The following TJP1 variants were observed in gnomAD, a reference collection of about 807,000 sequenced individuals.
The protein encoded by TJP1 is tight junction protein ZO-1.
A neutral mutation model predicts 194.2 loss-of-function variants in TJP1; 43 were observed. That is an observed-to-expected ratio of 0.22 (90% CI 0.17 to 0.29). The LOEUF is 0.29. TJP1 is among the 10% of genes least tolerant of loss of function. The pLI, the probability that TJP1 is intolerant of heterozygous loss-of-function variation, is 1.00. For missense variants in TJP1, 1,971 were observed against 2,185.7 expected (o/e 0.90, Z 1.96); for synonymous variants, 801 against 779.0 (o/e 1.03, Z -0.47).
In TJP1 at chr15:29,761,457, A is replaced by T. The variant is rs2293185; in HGVS notation, c.862+144T>A. On this transcript the variant is annotated intron_variant, in intron 7 of 27. Coordinates refer to ENST00000614355, the MANE Select transcript of TJP1 (RefSeq NM_001330239.4). Reference sequence around the variant, plus strand: ...ATATCAATAGTGGTGAGTTGTCTACAGGAAAAAATGTATATAAAACTTATA... The same window carrying T: ...ATATCAATAGTGGTGAGTTGTCTACTGGAAAAAATGTATATAAAACTTATA... 3.3e-3 allele frequency: 4,207 copies of T among 1,285,972 alleles called. 88 individuals carry two copies. In the African/African-American group the frequency reaches 0.045, roughly 14 times the overall value. 79.7% of individuals were successfully genotyped at this position (1,285,972 alleles called of 1,614,324 possible). A position where few individuals can be genotyped will look rare whatever the true frequency, so the allele number is the denominator to read the frequency against.
intron 2 of TJP1, among the ~76,000 whole-genome samples, chr15:29,943,658 A>G (rs951982882): frequency 1.9e-4 from 28 of 144,912 alleles, no homozygotes; most frequent in Admixed American, 2.8e-4. Flanking sequence ...AAAAAAGGCA[A>G]TATTTTCAGG....
In TJP1 at chr15:29,719,818, C is replaced by T. The variant is rs770446510; in HGVS notation, c.2962G>A (p.Asp988Asn). ...TGCGACGACAATGATGGTTCTTGAT[C>T]TCTTAGCATTATGTGAGCTGCCTCA... is the stretch of plus-strand genomic sequence containing the variant. ...STEAAHIMLR[D>N]QEPSLSSHVD... is the part of the protein sequence containing the mutation. Residue 988 changes from aspartate (D) to asparagine (N), a missense_variant, in exon 20 of 28, where the codon GAT (aspartate) becomes AAT (asparagine). Physicochemically the swap from Asp to Asn is conservative, Grantham distance 23 (BLOSUM62 1). Coordinates refer to ENST00000614355, the MANE Select transcript of TJP1 (RefSeq NM_001330239.4). 12 of 1,613,996 alleles carry T rather than the reference C, an allele frequency of 7.4e-6. No homozygotes were observed. In the Middle Eastern group the frequency reaches 8.2e-4, roughly 111 times the overall value.
chr15:29,949,634 A>ACCACCTCCACCACCACCACCT (rs1238786827), intron 2 of TJP1, among the ~76,000 whole-genome samples: 6 of 92,752 alleles, frequency 6.5e-5, no homozygotes, highest in African/African-American at 2.1e-4. Context: ...CTCCACCTCC[A>ACCACCTCCACCACCACCACCT]CCACCTCCAC....
chr15:29,836,065 G>A (rs1414618708), intron 2 of TJP1, among the ~76,000 whole-genome samples: 1 of 151,984 alleles, frequency 6.6e-6, no homozygotes, highest in Non-Finnish European at 1.5e-5. Context: ...CATTTAACTT[G>A]TGGCACTAAA....
At chr15:29,722,164 G>A (rs1040698479) in intron 18 of TJP1, among the ~76,000 whole-genome samples, 14 of 152,202 alleles carry the variant, frequency 9.2e-5, no homozygotes, top group East Asian at 5.8e-4. Flanking sequence ...GTTAAGTAAC[G>A]AGGGACAGAA....
intron 5 of TJP1, among the ~76,000 whole-genome samples, chr15:29,763,698 C>CA (rs1339996894): frequency 1.4e-5 from 2 of 145,832 alleles, no homozygotes; most frequent in Non-Finnish European, 3.0e-5. Flanking sequence ...ACCTGGGAGG[C>CA]AGAGGTTGCA....
intron 2 of TJP1, among the ~76,000 whole-genome samples, chr15:29,844,877 C>G (rs1403253): frequency 6.6e-6 from 1 of 152,088 alleles, no homozygotes; most frequent in African/African-American, 2.4e-5. Context: ...AAGCAGGGTG[C>G]AGATACCAAG....
Position 29,949,508 on chromosome 15 carries a change from ACCT to A in TJP1, c.306+6721_306+6723del, listed in dbSNP as rs1419698672. ...CACCACCTCCACCTCCACAACCACC[ACCT>A]CCACCTCCACCACCACCACCTCCAC... On this transcript the variant is annotated intron_variant, in intron 2 of 28. Coordinates refer to the TJP1 transcript ENST00000356107. 5.2e-3 allele frequency among the ~76,000 whole-genome samples: 631 copies of A among 120,392 alleles called. 16 individuals are homozygous for A. Among genetic ancestry groups the A allele is most frequent in the Non-Finnish European group, 7.5e-3 (435 of 58,288 alleles). 79.0% of individuals were successfully genotyped at this position (120,392 alleles called of 152,430 possible).
chr15:29,906,942 C>G (rs2053835355), intron 2 of TJP1, among the ~76,000 whole-genome samples: 1 of 151,792 alleles, frequency 6.6e-6, no homozygotes, highest in Non-Finnish European at 1.5e-5. Flanking sequence ...CTGGAAAAAG[C>G]AGAATATAAA....
intron 1 of TJP1, among the ~76,000 whole-genome samples, chr15:29,804,988 A>C (rs2049025234): frequency 6.6e-6 from 1 of 152,226 alleles, no homozygotes; most frequent in Non-Finnish European, 1.5e-5. Context: ...GGGTGAAATT[A>C]TCTCAAATGA....
chr15:29,779,965 A>G (rs1249943982), intron 2 of TJP1, among the ~76,000 whole-genome samples: 2 of 150,994 alleles, frequency 1.3e-5, no homozygotes, highest in Non-Finnish European at 3.0e-5. Context: ...AAACAAACAA[A>G]CAAAATCCTC....
chr15:29,947,812 A>C (rs908221243), intron 2 of TJP1, among the ~76,000 whole-genome samples: 1 of 152,130 alleles, frequency 6.6e-6, no homozygotes, highest in African/African-American at 2.4e-5. Flanking sequence ...CCACCTAGAG[A>C]CTGGACGAAT....
intron 2 of TJP1, among the ~76,000 whole-genome samples, chr15:29,912,606 T>A (rs2054050150): frequency 7.0e-6 from 1 of 142,652 alleles, no homozygotes; most frequent in African/African-American, 2.6e-5. Context: ...CTCAGGAGGC[T>A]GAGGCAGAAG....
intron 2 of TJP1, among the ~76,000 whole-genome samples, chr15:29,917,990 C>T (rs1174115037): frequency 6.6e-6 from 1 of 152,184 alleles, no homozygotes; most frequent in Non-Finnish European, 1.5e-5. Flanking sequence ...TAACTCCTCA[C>T]TCCCTCTTTC....
chr15:29,932,061 T>A (rs569001162), intron 2 of TJP1, among the ~76,000 whole-genome samples: 1 of 152,298 alleles, frequency 6.6e-6, no homozygotes, highest in South Asian at 2.1e-4. Context: ...CTGCAACCTG[T>A]TTTATCAGCA....
Position 29,732,678 on chromosome 15 carries a change from G to C in TJP1, c.1874C>G (p.Pro625Arg), listed in dbSNP as rs1487215949. The C allele has an allele frequency of 2.1e-5, 34 of 1,614,008 alleles. No homozygotes were observed. The highest frequency in any genetic ancestry group is 2.9e-5 in the Non-Finnish European group (34 of 1,180,034). The stretch of plus-strand genomic sequence containing the variant: ...ATAAGCTGGAAACTTTGTTTGAACA[G>C]GCTGAGCGGACAAATCCTCTCTGCT... The part of the protein sequence containing the change: ...RKSREDLSAQ[P>R]VQTKFPAYER... Residue 625 changes from proline to arginine, a missense_variant, in exon 14 of 28, where the codon CCT becomes CGT. Pro to Arg is a moderately radical substitution (Grantham distance 103). Coordinates refer to ENST00000614355, the MANE Select transcript of TJP1 (RefSeq NM_001330239.4).
intron 2 of TJP1, among the ~76,000 whole-genome samples, chr15:29,949,609 C>T (rs1361797162): frequency 1.4e-3 from 104 of 71,990 alleles, no homozygotes; most frequent in African/African-American, 2.9e-3. Context: ...CCACCTCCAC[C>T]TTCACCACCA....
intron 2 of TJP1, among the ~76,000 whole-genome samples, chr15:29,789,022 G>C (rs963318094): frequency 6.6e-6 from 1 of 152,096 alleles, no homozygotes; most frequent in South Asian, 2.1e-4. Context: ...GAACAATTTT[G>C]TAAGATCAAC....
At chr15:29,846,068 C>T (rs2051395832) in intron 2 of TJP1, among the ~76,000 whole-genome samples, 1 of 152,166 alleles carries the variant, frequency 6.6e-6, no homozygotes, top group African/African-American at 2.4e-5. Context: ...TAACCACACA[C>T]ACTTAACTCC....
Sources: gnomAD v4.1 joint callset for allele counts (sites outside exome capture counted in the v4.1 genomes callset) on GRCh38, gnomAD v4.1.1 for gene constraint, MANE v1.5 for transcripts, NCBI Gene and HGNC (gene_info 2026-07-23, HGNC 2026-07-21) for gene names.